The following MYOF variants were observed in gnomAD, a reference collection of about 807,000 sequenced individuals.
MYOF encodes the protein fer-1-like 3, myoferlin.
MYOF carries 244 observed loss-of-function variants against 284.2 expected under a neutral mutation model. The observed-to-expected ratio is 0.86, with a 90% CI of 0.77 to 0.95. The LOEUF is 0.95. Ranked by LOEUF, MYOF falls within the 40% of genes least tolerant of loss-of-function variation. The pLI is 0.00. For synonymous variants in MYOF, 904 were observed against 919.7 expected, an observed-to-expected ratio of 0.98 and a Z score of 0.31; for missense variants, 2,496 against 2,560.6, an observed-to-expected ratio of 0.97 and a Z score of 0.54.
At position 93,387,923 on chromosome 10, in the gene MYOF, A is replaced by C. The variant is rs1846473090; in HGVS notation, c.1582-10T>G. On this transcript the variant is annotated splice_polypyrimidine_tract_variant and intron_variant, in intron 18 of 53. Transcript: ENST00000359263. The stretch of plus-strand genomic sequence containing the variant: ...AGGCAACTCCTTCCCCCTGAAAGGC[A>C]ATAATCCAGGATTATTCCTCTAGGC... 2 of 1,602,408 alleles carry C rather than the reference A, an allele frequency of 1.2e-6. No homozygotes were observed. Among genetic ancestry groups the C allele is most frequent in the Non-Finnish European group, 1.7e-6 (2 of 1,169,884 alleles).
At position 93,313,219 on chromosome 10, in the gene MYOF, G is replaced by A; in HGVS notation, c.5699-9C>T. Reference sequence around the variant, plus strand: ...GTCAAGTTCTAGGAAACCTAGCCAAGGAAACAACAGTAAGTCCAAATGAGC... The same window carrying A: ...GTCAAGTTCTAGGAAACCTAGCCAAAGAAACAACAGTAAGTCCAAATGAGC... On this transcript the variant is annotated splice_polypyrimidine_tract_variant and intron_variant, in intron 50 of 53. Transcript: ENST00000359263. The A allele has an allele frequency of 6.2e-7, 1 of 1,610,382 alleles. No individual in the cohort carries two copies. Among genetic ancestry groups the A allele is most frequent in the Non-Finnish European group, 8.5e-7 (1 of 1,178,094 alleles).
chr10:93,416,880 G>T (rs1848147495), intron 5 of MYOF, among the ~76,000 whole-genome samples: 2 of 152,276 alleles, frequency 1.3e-5, no homozygotes, highest in South Asian at 4.1e-4. Flanking sequence ...TTATAGGCGT[G>T]AGCCACTGCA....
At chr10:93,354,178 C>T (rs1589434088) in intron 31 of MYOF, among the ~76,000 whole-genome samples, 2 of 152,078 alleles carry the variant, frequency 1.3e-5, no homozygotes, top group Admixed American at 1.3e-4. Context: ...AGTTAGGAGA[C>T]CAGCCTGGTC....
intron 7 of MYOF, among the ~76,000 whole-genome samples, chr10:93,405,527 C>T (rs73319690): frequency 0.093 from 14,173 of 152,248 alleles, 944 homozygotes; most frequent in African/African-American, 0.19. Flanking sequence ...CTACAGGCCT[C>T]AAGTGATCCT....
intron 17 of MYOF, among the ~76,000 whole-genome samples, chr10:93,390,372 A>T (rs1285635224): frequency 1.3e-5 from 2 of 152,228 alleles, no homozygotes; most frequent in Non-Finnish European, 2.9e-5. Context: ...ACAGCAAGAA[A>T]AAAAGAAACA....
At chr10:93,319,808 A>G (rs1842775564) in intron 49 of MYOF, 64 bp downstream of exon 49, 2 of 1,601,892 alleles carry the variant, frequency 1.2e-6, no homozygotes, top group African/African-American at 2.7e-5. Flanking sequence ...CCAGCATTCT[A>G]TGAGCTTCTG....
chr10:93,359,189 A>C (rs1844950014), intron 29 of MYOF, among the ~76,000 whole-genome samples: 1 of 152,136 alleles, frequency 6.6e-6, no homozygotes, highest in Non-Finnish European at 1.5e-5. Context: ...CACTTACTAA[A>C]CACTTGGCCC....
At chr10:93,463,584 A>T (rs918641664) in intron 1 of MYOF, among the ~76,000 whole-genome samples, 8 of 151,358 alleles carry the variant, frequency 5.3e-5, no homozygotes, top group African/African-American at 1.9e-4. Flanking sequence ...ATTTTAGTAG[A>T]GATGGGGGTT....
chr10:93,313,211 C>G lies in MYOF; in HGVS notation c.5699-1G>C. ...TGACGCAAGTCAAGTTCTAGGAAAC[C>G]TAGCCAAGGAAACAACAGTAAGTCC... On this transcript the variant is annotated splice_acceptor_variant, in intron 50 of 53. Coordinates refer to ENST00000359263, the MANE Select transcript of MYOF (RefSeq NM_013451.4). LOFTEE classifies it high-confidence loss of function. The G allele has an allele frequency of 6.2e-7, 1 of 1,611,744 alleles. No homozygotes were observed. Among genetic ancestry groups the G allele is most frequent in the South Asian group, 1.1e-5 (1 of 90,546 alleles).
chr10:93,307,116 T>C (rs1842135443), intron 53 of MYOF, 115 bp from the exon 54 acceptor site: 1 of 951,668 alleles, frequency 1.1e-6, no homozygotes, highest in Non-Finnish European at 1.6e-6. Context: ...TTCTTTCTTG[T>C]TGGGGAGTGT....
intron 5 of MYOF, among the ~76,000 whole-genome samples, chr10:93,421,887 A>C: frequency 6.6e-6 from 1 of 152,136 alleles, no homozygotes. Flanking sequence ...TAGGGAAAAG[A>C]AATGTTTTCC....
intron 13 of MYOF, among the ~76,000 whole-genome samples, chr10:93,398,119 T>C (rs1338405645): frequency 2.0e-5 from 3 of 152,174 alleles, no homozygotes; most frequent in Non-Finnish European, 4.4e-5. Flanking sequence ...GAAGCCCTAC[T>C]GTCCCAACCC....
intron 2 of MYOF, among the ~76,000 whole-genome samples, chr10:93,453,491 G>T (rs1019522192): frequency 6.6e-6 from 1 of 152,052 alleles, no homozygotes; most frequent in African/African-American, 2.4e-5. Context: ...TAGAAACAGG[G>T]TTTCACCATG....
chr10:93,411,785 A>G (rs984976249), intron 5 of MYOF, among the ~76,000 whole-genome samples: 18 of 152,156 alleles, frequency 1.2e-4, no homozygotes, highest in African/African-American at 4.3e-4. Context: ...TCAAAAGTCA[A>G]TCACCTCTCT....
chr10:93,435,506 T>C (rs892359960), intron 3 of MYOF, among the ~76,000 whole-genome samples: 3 of 152,220 alleles, frequency 2.0e-5, no homozygotes, highest in African/African-American at 4.8e-5. Flanking sequence ...GTCCCCACTT[T>C]CTTGAAGTAC....
chr10:93,362,730 TTTAAA>T (rs768936436), intron 27 of MYOF, among the ~76,000 whole-genome samples: 41 of 152,200 alleles, frequency 2.7e-4, no homozygotes, highest in Admixed American at 8.5e-4. Context: ...TCAGCTTTAC[TTTAAA>T]TTAAGAGAGT....
chr10:93,447,535 C>T (rs900621356), intron 3 of MYOF, among the ~76,000 whole-genome samples: 2 of 150,830 alleles, frequency 1.3e-5, no homozygotes, highest in Non-Finnish European at 1.5e-5. Flanking sequence ...AACTTTTTGC[C>T]AGTTATGCTT....
chr10:93,443,201 T>C (rs1365590850), intron 3 of MYOF, among the ~76,000 whole-genome samples: 4 of 152,200 alleles, frequency 2.6e-5, no homozygotes, highest in South Asian at 4.1e-4. Flanking sequence ...CTTGTTTTAC[T>C]GTCCATGTCT....
chr10:93,402,962 A>T, intron 9 of MYOF, 72 bp from the exon 10 acceptor site: 1 of 1,300,750 alleles, frequency 7.7e-7, no homozygotes, highest in Non-Finnish European at 1.1e-6. Flanking sequence ...AGAAGCCATC[A>T]TTATATTTAA....
Sources: allele counts gnomAD v4.1 joint callset (sites outside exome capture counted in the v4.1 genomes callset), GRCh38; gene constraint gnomAD v4.1.1; transcripts MANE v1.5; gene names NCBI Gene and HGNC (gene_info 2026-07-23, HGNC 2026-07-21).